Variants in TMC1 observed in about 807,000 individuals in gnomAD.
The protein encoded by TMC1 is transmembrane channel-like protein 1.
TMC1 carries 84 observed loss-of-function variants against 105.8 expected under a neutral mutation model. The ratio of observed to expected loss-of-function variants is 0.79; its 90% CI spans 0.67 to 0.95. The LOEUF (loss-of-function observed/expected upper bound fraction) is 0.95, where lower values mean the gene tolerates loss of function less well. Among genes scored for constraint, TMC1 ranks in the 40% least tolerant of loss-of-function variants. The pLI is 0.00. For missense variants in TMC1, 817 were observed against 914.1 expected (o/e 0.89, Z 1.37); for synonymous variants, 315 against 311.5 (o/e 1.01, Z -0.12).
At chr9:72,633,490 G>A (rs1199900330) in intron 4 of TMC1, among the ~76,000 whole-genome samples, 1 of 152,172 alleles carries the variant, frequency 6.6e-6, no homozygotes, top group African/African-American at 2.4e-5. Flanking sequence ...GTCATAGGTG[G>A]TTAAGGTCAT....
At chr9:72,688,651 T>C in intron 5 of TMC1, 58 bp from the exon 6 acceptor site, 1 of 1,453,902 alleles carries the variant, frequency 6.9e-7, no homozygotes, top group Non-Finnish European at 9.6e-7. Context: ...TAAAAACCAC[T>C]TACTAACAAT....
intron 5 of TMC1, among the ~76,000 whole-genome samples, chr9:72,660,296 T>C (rs757749739): frequency 2.3e-4 from 35 of 152,196 alleles, no homozygotes; most frequent in Non-Finnish European, 3.7e-4. Context: ...CATGGTGAGT[T>C]TGAGAAATTG....
intron 1 of TMC1, among the ~76,000 whole-genome samples, chr9:72,528,063 C>T (rs1204325222): frequency 6.6e-6 from 1 of 152,076 alleles, no homozygotes; most frequent in Non-Finnish European, 1.5e-5. Flanking sequence ...AATCTTAACC[C>T]CTAAGGTGGT....
At chr9:72,644,529 A>T (rs1205900540) in intron 4 of TMC1, among the ~76,000 whole-genome samples, 1 of 151,924 alleles carries the variant, frequency 6.6e-6, no homozygotes, top group East Asian at 1.9e-4. Context: ...TCTCCATTAA[A>T]TTGTCTTTGT....
chr9:72,791,734 T>C (rs1828270249), intron 15 of TMC1, 152 bp from the exon 16 acceptor site: 6 of 723,120 alleles, frequency 8.3e-6, no homozygotes, highest in African/African-American at 3.5e-5. Context: ...TGTCATTTTA[T>C]TGAGATCAAA....
At chr9:72,735,774 A>G (rs1268733867) in intron 8 of TMC1, among the ~76,000 whole-genome samples, 1 of 151,608 alleles carries the variant, frequency 6.6e-6, no homozygotes, top group Non-Finnish European at 1.5e-5. Flanking sequence ...GTCACCTGCA[A>G]GAGTACTTTC....
At chr9:72,574,906 G>C (rs1434661825) in intron 1 of TMC1, among the ~76,000 whole-genome samples, 1 of 152,028 alleles carries the variant, frequency 6.6e-6, no homozygotes, top group Admixed American at 6.6e-5. Context: ...ATAAAGCTTA[G>C]GCTCCTAGAA....
chr9:72,605,575 A>ATTTTT (rs376876900), intron 2 of TMC1, among the ~76,000 whole-genome samples: 5 of 131,696 alleles, frequency 3.8e-5, no homozygotes, highest in African/African-American at 1.4e-4. Context: ...AGTCAGATTA[A>ATTTTT]TTTTTTTTTT....
chr9:72,691,068 ATTCT>A (rs1826459146), intron 6 of TMC1, among the ~76,000 whole-genome samples: 3 of 152,040 alleles, frequency 2.0e-5, no homozygotes, highest in African/African-American at 2.4e-5. Context: ...CAATTTGGTA[ATTCT>A]TTCTTTTGCT....
At chr9:72,675,402 G>GATGT (rs1487210771) in intron 5 of TMC1, among the ~76,000 whole-genome samples, 1 of 152,106 alleles carries the variant, frequency 6.6e-6, no homozygotes, top group African/African-American at 2.4e-5. Flanking sequence ...CTAAAACTAA[G>GATGT]ATGTGGCTTA....
Position 72,566,122 on chromosome 9 carries a change from T to C in TMC1, c.-427-11780T>C, listed in dbSNP as rs541533789. On this transcript the variant is annotated intron_variant, in intron 1 of 23. Transcript: ENST00000297784. Reference sequence around the variant, plus strand: ...ATAGCTCATTGCAGCCTCTAATTCCTGGGCTCAAGTGATCCTCCCTTCTGA... The same window carrying C: ...ATAGCTCATTGCAGCCTCTAATTCCCGGGCTCAAGTGATCCTCCCTTCTGA... Among the ~76,000 whole-genome samples, 8 of 152,340 alleles carry C rather than the reference T, an allele frequency of 5.3e-5. No individual in the cohort carries two copies. In the East Asian group the frequency reaches 1.5e-3, roughly 29 times the overall value.
At chr9:72,717,246 C>T (rs1204321438) in intron 8 of TMC1, among the ~76,000 whole-genome samples, 2 of 152,190 alleles carry the variant, frequency 1.3e-5, no homozygotes, top group Non-Finnish European at 2.9e-5. Context: ...ATGTATTCTG[C>T]AATTCTATAT....
intron 5 of TMC1, among the ~76,000 whole-genome samples, chr9:72,651,891 G>T (rs1040921385): frequency 1.3e-5 from 2 of 152,034 alleles, no homozygotes; most frequent in Admixed American, 6.6e-5. Context: ...CCAATGTGTA[G>T]TCTCTTATCC....
chr9:72,763,750 C>T lies in TMC1; in HGVS notation c.742-8663C>T, dbSNP rs372468589. Among the ~76,000 whole-genome samples, 11 of 151,278 alleles carry T rather than the reference C, an allele frequency of 7.3e-5. 1 individual carries two copies. Among genetic ancestry groups the T allele is most frequent in the African/African-American group, 2.2e-4 (9 of 41,262 alleles). On this transcript the variant is annotated intron_variant, in intron 12 of 23. Transcript: ENST00000297784. ...GGAGAGACAGAAGGGAACCAAAGCA[C>T]GTGGGATCCTCTAAAATCTAGACTG...
At chr9:72,572,340 G>T (rs1824302900) in intron 1 of TMC1, among the ~76,000 whole-genome samples, 1 of 151,686 alleles carries the variant, frequency 6.6e-6, no homozygotes, top group East Asian at 1.9e-4. Flanking sequence ...AGGACTATAG[G>T]GTGTACCACC....
chr9:72,573,374 A>G (rs7851577), intron 1 of TMC1, among the ~76,000 whole-genome samples: 87,575 of 152,096 alleles, frequency 0.58, 26,981 homozygotes, highest in African/African-American at 0.81. Context: ...TAGGGGTGCT[A>G]GGATAAGAGG....
At chr9:72,609,629 A>G (rs1824989744) in intron 2 of TMC1, among the ~76,000 whole-genome samples, 1 of 152,290 alleles carries the variant, frequency 6.6e-6, no homozygotes, top group East Asian at 1.9e-4. Context: ...AAGTTATACC[A>G]AAACTCTTTT....
At chr9:72,606,688 A>G (rs118177246) in intron 2 of TMC1, among the ~76,000 whole-genome samples, 6,458 of 152,212 alleles carry the variant, frequency 0.042, 204 homozygotes, top group Middle Eastern at 0.095. Context: ...TTTGTCAAAC[A>G]CATTTATAAG....
At chr9:72,555,351 A>G (rs1047512234) in intron 1 of TMC1, among the ~76,000 whole-genome samples, 14 of 151,626 alleles carry the variant, frequency 9.2e-5, no homozygotes, top group African/African-American at 3.4e-4. Flanking sequence ...GTGCCTAGCT[A>G]ATAATTTTGT....
Sources: allele counts gnomAD v4.1 joint callset (sites outside exome capture counted in the v4.1 genomes callset), GRCh38; gene constraint gnomAD v4.1.1; transcripts MANE v1.5; gene names NCBI Gene and HGNC (gene_info 2026-07-23, HGNC 2026-07-21).